Variants in MAP3K13 observed in about 807,000 individuals in gnomAD.
MAP3K13 encodes the protein leucine zipper-bearing kinase.
In MAP3K13, 52 loss-of-function variants were observed where a neutral mutation model predicts 104.0. That is an observed-to-expected ratio of 0.50 (90% confidence interval 0.40 to 0.63). The LOEUF (loss-of-function observed/expected upper bound fraction) is 0.63. MAP3K13 is among the 20% of genes least tolerant of loss of function. The pLI, the probability that MAP3K13 is intolerant of heterozygous loss-of-function variation, is 0.00. For synonymous variants in MAP3K13, 394 were observed against 442.2 expected (o/e 0.89, Z 1.37); for missense variants, 914 against 1,218.5 (o/e 0.75, Z 3.72).
intron 2 of MAP3K13, among the ~76,000 whole-genome samples, chr3:185,306,610 A>G (rs1464768180): frequency 6.6e-6 from 1 of 152,082 alleles, no homozygotes; most frequent in Non-Finnish European, 1.5e-5. Flanking sequence ...GTTCCTTTGC[A>G]CACTTTTAAT....
At chr3:185,345,256 C>T (rs149990692) in intron 2 of MAP3K13, among the ~76,000 whole-genome samples, 238 of 152,260 alleles carry the variant, frequency 1.6e-3, no homozygotes, top group African/African-American at 5.5e-3. Context: ...CACACACACA[C>T]GTAAACGCAT....
At chr3:185,443,712 A>T in intron 4 of MAP3K13, 76 bp downstream of exon 4, 1 of 1,208,692 alleles carries the variant, frequency 8.3e-7, no homozygotes, top group Non-Finnish European at 1.2e-6. Flanking sequence ...ACCTCAGTTG[A>T]CGTTTTCAGA....
At position 185,363,414 on chromosome 3, in the gene MAP3K13, A is replaced by G. The variant is rs903582333; in HGVS notation, c.-86+46A>G. Reference sequence around the variant, plus strand: ...TTCCTGTTTCTTCAGTATTTATTTCACAAGGACAGACAGAGAATGTGTGAT... The same window carrying G: ...TTCCTGTTTCTTCAGTATTTATTTCGCAAGGACAGACAGAGAATGTGTGAT... On this transcript the variant is annotated intron_variant, in intron 1 of 13. Coordinates refer to ENST00000265026, the MANE Select transcript of MAP3K13 (RefSeq NM_004721.5). The G allele has an allele frequency of 3.4e-6, 3 of 887,210 alleles. No homozygotes were observed. The Admixed American group carries it at 1.9e-4, about 55-fold the overall frequency. The allele number at this position is 887,210 out of a possible 1,614,324, so 55.0% of individuals were successfully genotyped here.
intron 7 of MAP3K13, among the ~76,000 whole-genome samples, chr3:185,453,489 C>A (rs1026347542): frequency 6.6e-6 from 1 of 151,982 alleles, no homozygotes; most frequent in African/African-American, 2.4e-5. Flanking sequence ...GGGCATCATC[C>A]CTGGGAGCTG....
upstream of MAP3K13, among the ~76,000 whole-genome samples, chr3:185,360,211 G>A (rs938428300): frequency 2.0e-5 from 3 of 152,098 alleles, no homozygotes; most frequent in Non-Finnish European, 4.4e-5. Flanking sequence ...ATGGGACTTG[G>A]CTTGATATCT....
chr3:185,480,733 G>C lies in MAP3K13; in HGVS notation c.2799+204G>C, dbSNP rs146582926. Among the ~76,000 whole-genome samples, 26 of 152,272 alleles carry C rather than the reference G, an allele frequency of 1.7e-4. 1 individual carries two copies. Among genetic ancestry groups the C allele is most frequent in the African/African-American group, 6.3e-4 (26 of 41,540 alleles). Reference sequence around the variant, plus strand: ...GTTTAATTGACTCACACTTCCACAAGCTGTACAGGAAGCACGGCTGGGAGA... The same window carrying C: ...GTTTAATTGACTCACACTTCCACAACCTGTACAGGAAGCACGGCTGGGAGA... On this transcript the variant is annotated intron_variant, in intron 13 of 13. Transcript: ENST00000265026.
Position 185,465,758 on chromosome 3 carries a change from A to T in MAP3K13, c.1400A>T (p.Asp467Val). Residue 467 changes from aspartate to valine, a missense_variant, in exon 9 of 14, where the codon GAT (aspartate) becomes GTT (valine). Asp to Val is a radical substitution (Grantham distance 152). Around this residue, in one of 3 missense-constraint regions of MAP3K13, gnomAD observed 583 missense variants for 737.4 expected, o/e 0.79. Coordinates refer to ENST00000265026, the MANE Select transcript of MAP3K13 (RefSeq NM_004721.5). ...RRREELRHAL[D>V]IREHYERKLE... ...GTTTTCTCTGACAGGCATGCGCTGG[A>T]TATTCGTGAACACTATGAGCGGAAG... 1 of 1,613,540 alleles carries T rather than the reference A, an allele frequency of 6.2e-7. No individual in the cohort carries two copies. Among genetic ancestry groups the T allele is most frequent in the Non-Finnish European group, 8.5e-7 (1 of 1,179,484 alleles).
intron 2 of MAP3K13, among the ~76,000 whole-genome samples, chr3:185,330,783 T>A (rs1158181000): frequency 6.6e-6 from 1 of 152,202 alleles, no homozygotes; most frequent in Non-Finnish European, 1.5e-5. Flanking sequence ...CCACTGCTCG[T>A]GCCCTACAAA....
intron 1 of MAP3K13, among the ~76,000 whole-genome samples, chr3:185,283,882 T>TTTTC (rs907348522): frequency 1.1e-4 from 17 of 151,046 alleles, no homozygotes; most frequent in South Asian, 2.1e-4. Flanking sequence ...TTACTTTCCT[T>TTTTC]TTTCTTTCTT....
intron 1 of MAP3K13, among the ~76,000 whole-genome samples, chr3:185,375,959 A>G (rs1202885815): frequency 1.3e-5 from 2 of 152,216 alleles, no homozygotes; most frequent in Non-Finnish European, 2.9e-5. Context: ...TAAGGCAGTC[A>G]GTTTGGCTTG....
At chr3:185,455,533 G>C (rs62650467) in intron 7 of MAP3K13, among the ~76,000 whole-genome samples, 164 of 2,216 alleles carry the variant, frequency 0.074, 14 homozygotes, top group South Asian at 0.13. Context: ...ATATATATGA[G>C]ATATATATGA....
upstream of MAP3K13, chr3:185,363,040 A>G: frequency 1.0e-6 from 1 of 983,480 alleles, no homozygotes; most frequent in African/African-American, 1.8e-5. Flanking sequence ...GGCTCTGTTT[A>G]TTCTGTGACC....
chr3:185,413,370 G>A (rs1713557346), intron 1 of MAP3K13, among the ~76,000 whole-genome samples: 1 of 152,110 alleles, frequency 6.6e-6, no homozygotes, highest in Admixed American at 6.6e-5. Flanking sequence ...AGTCCTATAT[G>A]GTTGCCACTA....
chr3:185,417,595 G>A, intron 1 of MAP3K13: 2 of 1,595,946 alleles, frequency 1.3e-6, no homozygotes, highest in Admixed American at 1.7e-5. Context: ...TCCCACCAGA[G>A]GCTTCTTCTG....
chr3:185,363,480 G>A (rs1267139099), intron 1 of MAP3K13, 112 bp downstream of exon 1: 5 of 494,604 alleles, frequency 1.0e-5, no homozygotes, highest in African/African-American at 2.1e-5. Context: ...GGGCGACACC[G>A]TGAGAGAGAC....
intron 2 of MAP3K13, among the ~76,000 whole-genome samples, chr3:185,342,444 C>T (rs948962229): frequency 2.0e-5 from 3 of 151,996 alleles, no homozygotes; most frequent in African/African-American, 7.2e-5. Context: ...TATAAAGAAA[C>T]TCCAAGATGA....
At chr3:185,466,275 T>C (rs1266705887) in intron 9 of MAP3K13, among the ~76,000 whole-genome samples, 1 of 152,158 alleles carries the variant, frequency 6.6e-6, no homozygotes, top group Non-Finnish European at 1.5e-5. Flanking sequence ...CTTCTGTCAT[T>C]GTATTATGTT....
chr3:185,411,480 G>A (rs1463949554), intron 1 of MAP3K13, among the ~76,000 whole-genome samples: 1 of 152,154 alleles, frequency 6.6e-6, no homozygotes, highest in Non-Finnish European at 1.5e-5. Flanking sequence ...CCTACTCAGG[G>A]AAATTTATTG....
chr3:185,479,461 A>T (rs939654088), intron 12 of MAP3K13, among the ~76,000 whole-genome samples: 11 of 152,144 alleles, frequency 7.2e-5, no homozygotes, highest in African/African-American at 2.7e-4. Flanking sequence ...GATTCTCCAA[A>T]GTCTCTTTCA....
Sources: gnomAD v4.1 joint callset for allele counts (sites outside exome capture counted in the v4.1 genomes callset) on GRCh38, gnomAD v4.1.1 for gene constraint, gnomAD v4.1.1 regional missense constraint, MANE v1.5 for transcripts, NCBI Gene and HGNC (gene_info 2026-07-23, HGNC 2026-07-21) for gene names.